Variants in RBBP4 observed in about 807,000 individuals in gnomAD.
RBBP4 encodes RB binding protein 4, chromatin remodeling factor.
RBBP4 carries 3 observed loss-of-function variants against 57.2 expected under a neutral mutation model. The observed-to-expected ratio is 0.05, with a 90% CI of 0.02 to 0.14. RBBP4 has a LOEUF of 0.14. Among genes scored for constraint, RBBP4 ranks in the 10% least tolerant of loss-of-function variants. The pLI is 1.00. For missense variants in RBBP4, 107 were observed against 520.6 expected (o/e 0.21, Z 7.73); for synonymous variants, 151 against 171.5 (o/e 0.88, Z 0.93).
At chr1:32,667,171 C>G (rs1384531398) in intron 3 of RBBP4, among the ~76,000 whole-genome samples, 1 of 152,176 alleles carries the variant, frequency 6.6e-6, no homozygotes, top group Non-Finnish European at 1.5e-5. Flanking sequence ...AGGCCTAAAC[C>G]CCTCCTTGTG....
intron 3 of RBBP4, among the ~76,000 whole-genome samples, chr1:32,666,828 A>G (rs1648674636): frequency 6.6e-6 from 1 of 152,242 alleles, no homozygotes; most frequent in African/African-American, 2.4e-5. Context: ...ATCAATCATT[A>G]GTATAAACAT....
Position 32,685,874 on chromosome 1 carries a change from T to C in RBBP4, c.*6169T>C, listed in dbSNP as rs963547532. ...GGTCTCTTAATCCTGTGTTAACCAC[T>C]AGATTAACTTTACAATCAACTCAAA... On this transcript the variant is annotated 3_prime_UTR_variant, in exon 12 of 12. Transcript: ENST00000373493. The C allele has an allele frequency of 6.6e-6, 1 of 152,222 alleles. No homozygotes were observed. Among genetic ancestry groups the C allele is most frequent in the Non-Finnish European group, 1.5e-5 (1 of 68,044 alleles). 9.4% of individuals were successfully genotyped at this position (152,222 alleles called of 1,614,324 possible).
At chr1:32,660,130 C>T (rs183084046) in intron 3 of RBBP4, among the ~76,000 whole-genome samples, 6 of 152,164 alleles carry the variant, frequency 3.9e-5, no homozygotes, top group African/African-American at 1.2e-4. Context: ...GTTTTTTGCC[C>T]GTATTTCCTT....
rs1377689368 is a variant in RBBP4 at position 32,684,165 on chromosome 1, T to C, written c.*4460T>C. The C allele has an allele frequency of 6.2e-7, 1 of 1,606,028 alleles. No homozygotes were observed. The highest frequency in any genetic ancestry group is 2.2e-5 in the East Asian group (1 of 44,766). ...GAAAATCATTTCCCAAATCCTCTTT[T>C]TGTTTTTGATTCTAAGGTAAAATTT... On this transcript the variant is annotated 3_prime_UTR_variant, in exon 12 of 12. Coordinates refer to ENST00000373493, the MANE Select transcript of RBBP4 (RefSeq NM_005610.3).
At chr1:32,675,253 C>T (rs1032958811) in intron 11 of RBBP4, among the ~76,000 whole-genome samples, 5 of 151,462 alleles carry the variant, frequency 3.3e-5, no homozygotes, top group African/African-American at 1.2e-4. Context: ...TCAGGCTGGC[C>T]TCGAACTCCT....
chr1:32,671,428 C>A (rs1648869663), intron 8 of RBBP4, among the ~76,000 whole-genome samples: 1 of 152,026 alleles, frequency 6.6e-6, no homozygotes, highest in Non-Finnish European at 1.5e-5. Flanking sequence ...AATAAAAATA[C>A]AAAAATTAGC....
intron 11 of RBBP4, among the ~76,000 whole-genome samples, chr1:32,674,307 C>T (rs1273764508): frequency 2.6e-5 from 1 of 38,212 alleles, no homozygotes; most frequent in Non-Finnish European, 1.9e-4. Context: ...GATTACAGCT[C>T]ACTGCAGCCT....
Position 32,683,725 on chromosome 1 carries a change from C to G in RBBP4, c.*4020C>G, listed in dbSNP as rs1649607287. On this transcript the variant is annotated 3_prime_UTR_variant, in exon 12 of 12. Transcript: ENST00000373493. ...CTTGACTCACTGCAACCTCTGCCTC[C>G]TGGTTCAAGCGATTCTCCTGCCTTG... 1 of 326,248 alleles carries G rather than the reference C, an allele frequency of 3.1e-6. No homozygotes were observed. The highest frequency in any genetic ancestry group is 5.8e-6 in the Non-Finnish European group (1 of 172,166). 20.2% of individuals were successfully genotyped at this position (326,248 alleles called of 1,614,324 possible).
Position 32,669,483 on chromosome 1 carries a change from T to C in RBBP4, c.889-3T>C. The C allele has an allele frequency of 6.2e-7, 1 of 1,600,638 alleles. No individual in the cohort carries two copies. On this transcript the variant is annotated splice_region_variant and splice_polypyrimidine_tract_variant and intron_variant, in intron 7 of 11. Coordinates refer to ENST00000373493, the MANE Select transcript of RBBP4 (RefSeq NM_005610.3). This position sits in a 1 kb window ranked among gnomAD's most constrained non-coding sequence, Gnocchi z 4.9. ...TTACTCTTGCTTTTCTTTTTGTACA[T>C]AGACTGTTGCCTTGTGGGATCTGAG...
At chr1:32,677,487 C>CAA (rs1166116724) in intron 11 of RBBP4, among the ~76,000 whole-genome samples, 4 of 145,194 alleles carry the variant, frequency 2.8e-5, no homozygotes, top group Non-Finnish European at 4.5e-5. Flanking sequence ...AAAAACAAAA[C>CAA]AAAAAACAAA....
chr1:32,671,992 TTTTTTGTTTTTC>T (rs1374815317), intron 8 of RBBP4, among the ~76,000 whole-genome samples: 4 of 150,998 alleles, frequency 2.6e-5, no homozygotes, highest in Non-Finnish European at 5.9e-5. Context: ...TAAACATTTT[TTTTTTGTTTTTC>T]TTTTTGTTTG....
chr1:32,663,870 C>T (rs1403721840), intron 3 of RBBP4, among the ~76,000 whole-genome samples: 4 of 152,126 alleles, frequency 2.6e-5, no homozygotes, highest in Admixed American at 2.6e-4. Context: ...GCCACCACGC[C>T]TGGCCTTGAA....
chr1:32,654,114 T>G (rs1426105865), intron 2 of RBBP4, among the ~76,000 whole-genome samples: 2 of 152,078 alleles, frequency 1.3e-5, no homozygotes, highest in Non-Finnish European at 2.9e-5. Flanking sequence ...GGCTCACACG[T>G]GTAATCCCAG....
At chr1:32,664,317 G>A (rs755162575) in intron 3 of RBBP4, among the ~76,000 whole-genome samples, 4 of 152,070 alleles carry the variant, frequency 2.6e-5, no homozygotes, top group East Asian at 1.9e-4. Context: ...GGAGGCCTAC[G>A]TTTAATATCT....
chr1:32,651,903 A>G lies in RBBP4; in HGVS notation c.17-11A>G, dbSNP rs753835233. On this transcript the variant is annotated splice_polypyrimidine_tract_variant and intron_variant, in intron 1 of 11. Coordinates refer to ENST00000373493, the MANE Select transcript of RBBP4 (RefSeq NM_005610.3). ...TGTTTGCTAACTTAAATTTGTTTTT[A>G]AAAATTTTAGCAGCCTTCGACGACG... 2.5e-6 allele frequency: 4 copies of G among 1,612,856 alleles called. No homozygotes were observed. Among genetic ancestry groups the G allele is most frequent in the Non-Finnish European group, 2.5e-6 (3 of 1,179,578 alleles).
Position 32,679,761 on chromosome 1 carries a change from A to T in RBBP4, c.*56A>T. 6.2e-7 allele frequency: 1 copy of T among 1,607,694 alleles called. No individual in the cohort carries two copies. The highest frequency in any genetic ancestry group is 1.3e-5 in the African/African-American group (1 of 74,740). ...CCCCTTTTTTCTTCTCAACCCTGAG[A>T]GTGATTTAACACTGGTTTTGAGACA... On this transcript the variant is annotated 3_prime_UTR_variant, in exon 12 of 12. Transcript: ENST00000373493.
intron 3 of RBBP4, among the ~76,000 whole-genome samples, chr1:32,667,151 A>T (rs1488087838): frequency 6.6e-6 from 1 of 152,244 alleles, no homozygotes. Flanking sequence ...GCCTGCCCAC[A>T]GTCATCCGGA....
At position 32,668,215 on chromosome 1, in the gene RBBP4, T is replaced by C; in HGVS notation, c.311-10T>C. 1 of 1,607,718 alleles carries C rather than the reference T, an allele frequency of 6.2e-7. No individual in the cohort carries two copies. Reference sequence around the variant, plus strand: ...TGTTTTGTCCTCATTTGCAATTAATTTATTCACAGAATTTGGAGGTTTTGG... The same window carrying C: ...TGTTTTGTCCTCATTTGCAATTAATCTATTCACAGAATTTGGAGGTTTTGG... On this transcript the variant is annotated splice_polypyrimidine_tract_variant and intron_variant, in intron 3 of 11. Coordinates refer to ENST00000373493, the MANE Select transcript of RBBP4 (RefSeq NM_005610.3).
intron 11 of RBBP4, among the ~76,000 whole-genome samples, chr1:32,674,927 C>T (rs1174895942): frequency 2.0e-5 from 3 of 151,140 alleles, no homozygotes; most frequent in Non-Finnish European, 4.4e-5. Flanking sequence ...TTAGTAGAGA[C>T]GGGGTTTCAC....
Sources: allele counts gnomAD v4.1 joint callset (sites outside exome capture counted in the v4.1 genomes callset), GRCh38; gene constraint gnomAD v4.1.1; non-coding constraint Gnocchi (gnomAD v3.1); transcripts MANE v1.5; gene names NCBI Gene and HGNC (gene_info 2026-07-23, HGNC 2026-07-21).